SMARCA2: variants seen among roughly 807,000 people sequenced by gnomAD.
SMARCA2 encodes SWI/SNF related BAF chromatin remodeling complex subunit ATPase 2, also known as SWI/SNF-related matrix-associated actin-dependent regulator of chromatin subfamily A member 2.
SMARCA2 carries 61 observed loss-of-function variants against 199.8 expected under a neutral mutation model. The ratio of observed to expected loss-of-function variants is 0.31; its 90% CI spans 0.25 to 0.38. The LOEUF (loss-of-function observed/expected upper bound fraction) is 0.38, where lower values mean the gene tolerates loss of function less well. SMARCA2 is among the 10% of genes least tolerant of loss of function. The pLI is 1.00. For missense variants in SMARCA2, 1,344 were observed against 2,012.2 expected, an observed-to-expected ratio of 0.67 and a Z score of 6.35; for synonymous variants, 935 against 732.0, an observed-to-expected ratio of 1.28 and a Z score of -4.48.
At chr9:2,031,466 A>G (rs367824025) in intron 2 of SMARCA2, among the ~76,000 whole-genome samples, 20 of 152,342 alleles carry the variant, frequency 1.3e-4, no homozygotes, top group African/African-American at 4.6e-4. Flanking sequence ...AAAATGAAAG[A>G]TAAAATGTGA....
intron 19 of SMARCA2, among the ~76,000 whole-genome samples, chr9:2,093,853 T>G (rs965653759): frequency 1.3e-5 from 2 of 152,236 alleles, no homozygotes; most frequent in African/African-American, 2.4e-5. Context: ...ACCTGTGCCC[T>G]GAAAGTAACT....
At chr9:2,072,971 G>C (rs758083952) in intron 10 of SMARCA2, 2 of 472,110 alleles carry the variant, frequency 4.2e-6, no homozygotes, top group African/African-American at 4.0e-5. Flanking sequence ...CCTTGGTGAT[G>C]TATCTGGTTG....
intron 22 of SMARCA2, among the ~76,000 whole-genome samples, chr9:2,103,055 T>C (rs1204048727): frequency 6.6e-5 from 10 of 151,550 alleles, no homozygotes; most frequent in Non-Finnish European, 1.5e-5. Flanking sequence ...AATCTCCTCC[T>C]CTCCACCCCA....
At position 2,056,981 on chromosome 9, in the gene SMARCA2, A is replaced by C; in HGVS notation, c.1347+136A>C. On this transcript the variant is annotated intron_variant, in intron 7 of 33. Coordinates refer to ENST00000349721, the MANE Select transcript of SMARCA2 (RefSeq NM_003070.5). The surrounding 1 kb of genome is among the most constrained non-coding windows in gnomAD (Gnocchi z 4.0). Reference sequence around the variant, plus strand: ...TCACAGAACAGAACGGTTCCTTGACATGTACATAATCCAACCACATCATTT... The same window carrying C: ...TCACAGAACAGAACGGTTCCTTGACCTGTACATAATCCAACCACATCATTT... 4 of 719,468 alleles carry C rather than the reference A, an allele frequency of 5.6e-6. No individual in the cohort carries two copies. The South Asian group carries it at 7.6e-5, about 14-fold the overall frequency. The allele number at this position is 719,468 out of a possible 1,614,324, so 44.6% of individuals were successfully genotyped here. A position where few individuals can be genotyped will look rare whatever the true frequency, so the allele number is the denominator to read the frequency against.
intron 31 of SMARCA2, among the ~76,000 whole-genome samples, chr9:2,182,808 T>TA (rs1395299997): frequency 6.7e-6 from 1 of 148,608 alleles, no homozygotes; most frequent in Non-Finnish European, 1.5e-5. Flanking sequence ...AAGCATATAT[T>TA]TTTTTTTCGA....
intron 1 of SMARCA2, among the ~76,000 whole-genome samples, chr9:2,020,194 A>G (rs1818539295): frequency 6.6e-6 from 1 of 152,172 alleles, no homozygotes; most frequent in South Asian, 2.1e-4. Flanking sequence ...CTAGTATGAA[A>G]GCCACATTTA....
intron 33 of SMARCA2, 179 bp downstream of exon 33, chr9:2,191,587 T>C (rs996734570): frequency 1.7e-5 from 10 of 580,206 alleles, no homozygotes; most frequent in Admixed American, 1.4e-4. Context: ...GAACAAAGGA[T>C]TGGGGGCTTT....
chr9:2,177,149 T>C (rs73641008), intron 29 of SMARCA2, among the ~76,000 whole-genome samples: 3,934 of 152,254 alleles, frequency 0.026, 169 homozygotes, highest in African/African-American at 0.089. Context: ...TTAAACTTCA[T>C]AGGAACCTGA....
chr9:2,027,894 C>G (rs1426013841), intron 1 of SMARCA2: 1 of 152,168 alleles, frequency 6.6e-6, no homozygotes, highest in Non-Finnish European at 1.5e-5. Flanking sequence ...ATTACTGTTG[C>G]TAGTGGAATT....
chr9:2,122,161 T>C (rs968596602), intron 26 of SMARCA2, among the ~76,000 whole-genome samples: 5 of 152,216 alleles, frequency 3.3e-5, no homozygotes, highest in Non-Finnish European at 7.3e-5. Flanking sequence ...CAGAAAAGAT[T>C]TATTTTCTCA....
chr9:2,039,371 A>T lies in SMARCA2; in HGVS notation c.356-95A>T. The T allele has an allele frequency of 8.6e-7, 1 of 1,157,684 alleles. No individual in the cohort carries two copies. The highest frequency in any genetic ancestry group is 1.2e-6 in the Non-Finnish European group (1 of 813,390). 71.7% of individuals were successfully genotyped at this position (1,157,684 alleles called of 1,614,324 possible). A position where few individuals can be genotyped will look rare whatever the true frequency, so the allele number is the denominator to read the frequency against. On this transcript the variant is annotated intron_variant, in intron 3 of 33. Coordinates refer to ENST00000349721, the MANE Select transcript of SMARCA2 (RefSeq NM_003070.5). This position sits in a 1 kb window ranked among gnomAD's most constrained non-coding sequence, Gnocchi z 4.8. ...TATGTCATTCAAATTTCTGTCAGAC[A>T]GTGTTGCTGTGGACAATTATTAGAG...
At chr9:2,181,451 C>T in intron 29 of SMARCA2, 120 bp from the exon 30 acceptor site, 1 of 640,752 alleles carries the variant, frequency 1.6e-6, no homozygotes, top group Non-Finnish European at 2.8e-6. Context: ...ACTTAAAAAG[C>T]TCCATATCTA....
chr9:2,038,698 A>G (rs73638361), intron 3 of SMARCA2, among the ~76,000 whole-genome samples: 6,482 of 151,880 alleles, frequency 0.043, 481 homozygotes, highest in African/African-American at 0.15. Flanking sequence ...CCTTCCTTAT[A>G]TTACCTTTTC....
chr9:2,162,276 C>T (rs1368072673), intron 28 of SMARCA2, among the ~76,000 whole-genome samples: 1 of 151,890 alleles, frequency 6.6e-6, no homozygotes. Context: ...AAAGAAGAAT[C>T]CTAATATATT....
intron 27 of SMARCA2, among the ~76,000 whole-genome samples, chr9:2,127,814 T>C (rs899683353): frequency 6.6e-6 from 1 of 152,236 alleles, no homozygotes; most frequent in African/African-American, 2.4e-5. Flanking sequence ...TTGGTTTCAT[T>C]GAAGACAGGT....
rs948533062 is a variant in SMARCA2, at chr9:2,109,332, G to A, written c.3293-922G>A. Among the ~76,000 whole-genome samples, 6 of 148,884 alleles carry A rather than the reference G, an allele frequency of 4.0e-5. 1 individual carries two copies. Among genetic ancestry groups the A allele is most frequent in the Admixed American group, 1.3e-4 (2 of 14,916 alleles). On this transcript the variant is annotated intron_variant, in intron 23 of 33. Transcript: ENST00000349721. ...AAATATGTTCAGATGGAATACTGGT[G>A]TTTTTTTTTTCTCCCCTTCCACAAT... is the stretch of plus-strand genomic sequence containing the variant.
intron 3 of SMARCA2, among the ~76,000 whole-genome samples, chr9:2,036,149 C>A (rs1192201002): frequency 6.6e-6 from 1 of 151,858 alleles, no homozygotes; most frequent in African/African-American, 2.4e-5. Context: ...TGGATAGAAA[C>A]CCTTCAAAAG....
At chr9:2,028,282 T>C (rs1818918524) in intron 1 of SMARCA2, among the ~76,000 whole-genome samples, 2 of 152,178 alleles carry the variant, frequency 1.3e-5, no homozygotes, top group Admixed American at 6.5e-5. Context: ...GTGGAGTTGG[T>C]GGGGAAAGTA....
chr9:2,056,541 C>T lies in SMARCA2; in HGVS notation c.1174-131C>T. 1.4e-6 allele frequency: 1 copy of T among 738,090 alleles called. No homozygotes were observed. Among genetic ancestry groups the T allele is most frequent in the Non-Finnish European group, 2.1e-6 (1 of 465,320 alleles). The allele number at this position is 738,090 out of a possible 1,614,324, so 45.7% of individuals were successfully genotyped here. On this transcript the variant is annotated intron_variant, in intron 6 of 33. Coordinates refer to ENST00000349721, the MANE Select transcript of SMARCA2 (RefSeq NM_003070.5). This position sits in a 1 kb window ranked among gnomAD's most constrained non-coding sequence, Gnocchi z 4.0. ...TTTAGTTCCTTCATTTAATACAAACCAAAGGTGATTGAGAAGCTTGTGGAG... is the reference window on the plus strand; with the variant it reads ...TTTAGTTCCTTCATTTAATACAAACTAAAGGTGATTGAGAAGCTTGTGGAG...
Sources: gnomAD v4.1 joint callset for allele counts (sites outside exome capture counted in the v4.1 genomes callset) on GRCh38, gnomAD v4.1.1 for gene constraint, Gnocchi (gnomAD v3.1) non-coding constraint, MANE v1.5 for transcripts, NCBI Gene and HGNC (gene_info 2026-07-23, HGNC 2026-07-21) for gene names.